The following SEMA4A variants were observed in gnomAD, a reference collection of about 807,000 sequenced individuals.
The protein encoded by SEMA4A is semaphorin-4A.
In SEMA4A, 52 loss-of-function variants were observed where a neutral mutation model predicts 72.5. That is an observed-to-expected ratio of 0.72 (90% CI 0.57 to 0.90). The LOEUF is 0.90. SEMA4A is among the 40% of genes least tolerant of loss of function. The probability of loss-of-function intolerance (pLI) is 0.00; values close to 1 mark genes in which losing one functional copy is unlikely to be tolerated. For missense variants in SEMA4A, 926 were observed against 959.7 expected (o/e 0.96, Z 0.46); for synonymous variants, 369 against 393.1 (o/e 0.94, Z 0.73).
chr1:156,150,692 G>A (rs901067882), upstream of SEMA4A, among the ~76,000 whole-genome samples: 1 of 152,110 alleles, frequency 6.6e-6, no homozygotes, highest in African/African-American at 2.4e-5. Context: ...GAAGCTCAGA[G>A]GTAGCATAGA....
chr1:156,168,307 C>T (rs549769093), intron 10 of SEMA4A, among the ~76,000 whole-genome samples: 8 of 152,116 alleles, frequency 5.3e-5, no homozygotes, highest in African/African-American at 1.9e-4. Flanking sequence ...CTGCAACCTC[C>T]ACCTCCCTGG....
At chr1:156,168,137 T>A (rs1302403600) in intron 10 of SEMA4A, among the ~76,000 whole-genome samples, 2 of 152,194 alleles carry the variant, frequency 1.3e-5, no homozygotes, top group African/African-American at 4.8e-5. Context: ...TTGGCCAGGC[T>A]GATCTTGAAC....
chr1:156,156,273 C>G, intron 2 of SEMA4A, 141 bp from the exon 3 acceptor site: 1 of 755,952 alleles, frequency 1.3e-6, no homozygotes, highest in East Asian at 2.7e-5. Context: ...GGAAGAACTG[C>G]TGGTGGAGGA....
chr1:156,154,409 A>G (rs1265088303), intron 1 of SEMA4A, 141 bp from the exon 2 acceptor site: 2 of 723,912 alleles, frequency 2.8e-6, no homozygotes, highest in Non-Finnish European at 4.6e-6. Context: ...GCCCTTCCAG[A>G]TAGGGAACCT....
chr1:156,157,923 A>C lies in SEMA4A; in HGVS notation c.301-147A>C, dbSNP rs1653196211. Reference sequence around the variant, plus strand: ...TATTCAAGTAATAGCCATGGTCACAAACTGATGTTATTACTGCCCATCAGC... The same window carrying C: ...TATTCAAGTAATAGCCATGGTCACACACTGATGTTATTACTGCCCATCAGC... On this transcript the variant is annotated intron_variant, in intron 3 of 14. Transcript: ENST00000368285. The surrounding 1 kb of genome is among the most constrained non-coding windows in gnomAD (Gnocchi z 4.5). The C allele has an allele frequency of 1.3e-6, 1 of 765,840 alleles. No homozygotes were observed. Among genetic ancestry groups the C allele is most frequent in the Non-Finnish European group, 2.3e-6 (1 of 432,708 alleles). 47.4% of individuals were successfully genotyped at this position (765,840 alleles called of 1,614,324 possible).
upstream of SEMA4A, among the ~76,000 whole-genome samples, chr1:156,151,638 G>C (rs951169606): frequency 5.9e-5 from 9 of 151,978 alleles, no homozygotes; most frequent in Admixed American, 1.3e-4. Context: ...TTTGAGAGCA[G>C]CCTAGCCAGC....
At chr1:156,169,765 C>G (rs990434772) in intron 10 of SEMA4A, among the ~76,000 whole-genome samples, 3 of 149,996 alleles carry the variant, frequency 2.0e-5, no homozygotes, top group Admixed American at 2.0e-4. Flanking sequence ...TGGTGGCTCA[C>G]ACTGTAATCC....
rs993405201 is a variant in SEMA4A, at chr1:156,153,686, T to G, written c.-108T>G. Reference sequence around the variant, plus strand: ...CTCTGGGGCCTGGGAACCCCCCTTCTTCTTTCTCCTGAATGGCACCCCCGC... The same window carrying G: ...CTCTGGGGCCTGGGAACCCCCCTTCGTCTTTCTCCTGAATGGCACCCCCGC... On this transcript the variant is annotated 5_prime_UTR_variant, in exon 1 of 15. Transcript: ENST00000368285. 1 of 152,488 alleles carries G rather than the reference T, an allele frequency of 6.6e-6. No homozygotes were observed. The highest frequency in any genetic ancestry group is 2.4e-5 in the African/African-American group (1 of 41,464). 9.4% of individuals were successfully genotyped at this position (152,488 alleles called of 1,614,324 possible).
intron 14 of SEMA4A, among the ~76,000 whole-genome samples, chr1:156,175,945 G>A (rs543069944): frequency 1.3e-5 from 2 of 152,214 alleles, no homozygotes; most frequent in South Asian, 4.2e-4. Flanking sequence ...AAGGAGGAGT[G>A]AAATTTGAGT....
In SEMA4A at chr1:156,158,319, G is replaced by C. The variant is rs558809650; in HGVS notation, c.364-69G>C. 51 of 1,355,860 alleles carry C rather than the reference G, an allele frequency of 3.8e-5. No homozygotes were observed. The East Asian group carries it at 9.8e-4, about 26-fold the overall frequency. 84.0% of individuals were successfully genotyped at this position (1,355,860 alleles called of 1,614,324 possible). On this transcript the variant is annotated intron_variant, in intron 4 of 14. Coordinates refer to ENST00000368285, the MANE Select transcript of SEMA4A (RefSeq NM_022367.4). ...TACCTAGCCTTTCTCCTCAGTGAGG[G>C]GGCAGCCTCTGGGGGTCCAGCAATT...
intron 10 of SEMA4A, 149 bp downstream of exon 10, chr1:156,163,243 C>A: frequency 1.2e-6 from 1 of 856,430 alleles, no homozygotes; most frequent in African/African-American, 1.7e-5. Context: ...GGTATAGCTG[C>A]CTATATTCCA....
rs1397289963 is a variant in SEMA4A, at chr1:156,177,108, C to A, written c.*111C>A. ...CAGCACAAAAGACCACCTTTCTCCCCTGAGAGGAGCTTCTGCTACTCTGCA... is the reference window on the plus strand; with the variant it reads ...CAGCACAAAAGACCACCTTTCTCCCATGAGAGGAGCTTCTGCTACTCTGCA... On this transcript the variant is annotated 3_prime_UTR_variant, in exon 15 of 15. Coordinates refer to ENST00000368285, the MANE Select transcript of SEMA4A (RefSeq NM_022367.4). 8 of 910,850 alleles carry A rather than the reference C, an allele frequency of 8.8e-6. No individual in the cohort carries two copies. The highest frequency in any genetic ancestry group is 8.3e-5 in the South Asian group (6 of 72,374). The allele number at this position is 910,850 out of a possible 1,614,324, so 56.4% of individuals were successfully genotyped here. A position where few individuals can be genotyped will look rare whatever the true frequency, so the allele number is the denominator to read the frequency against.
At chr1:156,163,244 C>T (rs916820584) in intron 10 of SEMA4A, 150 bp downstream of exon 10, 156 of 844,796 alleles carry the variant, frequency 1.8e-4, no homozygotes, top group Non-Finnish European at 2.8e-4. Flanking sequence ...GTATAGCTGC[C>T]TATATTCCAC....
In SEMA4A at chr1:156,161,342, C is replaced by T. The variant is rs772674156; in HGVS notation, c.811-4C>T. On this transcript the variant is annotated splice_polypyrimidine_tract_variant and splice_region_variant and intron_variant, in intron 8 of 14. Transcript: ENST00000368285. ...GCGCCCCCTGACTCCCCCTGTGCCC[C>T]CAGAATGACGTGGGCGGCGAAAAGC... 4.7e-5 allele frequency: 75 copies of T among 1,609,606 alleles called. No homozygotes were observed. The highest frequency in any genetic ancestry group is 1.3e-5 in the Non-Finnish European group (15 of 1,178,656).
At chr1:156,156,328 C>T in intron 2 of SEMA4A, 86 bp from the exon 3 acceptor site, 1 of 1,350,220 alleles carries the variant, frequency 7.4e-7, no homozygotes, top group Non-Finnish European at 1.1e-6. Context: ...CTCAGGCAAC[C>T]CTTCCCCTTC....
Position 156,174,900 on chromosome 1 carries a change from A to G in SEMA4A, c.1394A>G (p.Asp465Gly). Residue 465 changes from aspartate to glycine, a missense_variant, in exon 12 of 15, where the codon GAC becomes GGC. Transcript: ENST00000368285. ...GTGGAAGAGATTCAGCTGTTCCCTG[A>G]CCCTGAACCTGTTCGCAACCTGCAG... ...HLVEEIQLFP[D>G]PEPVRNLQLA... 1.9e-6 allele frequency: 3 copies of G among 1,614,080 alleles called. No homozygotes were observed. The highest frequency in any genetic ancestry group is 2.5e-6 in the Non-Finnish European group (3 of 1,180,012).
chr1:156,162,615 GTTACA>G (rs1414140818), intron 9 of SEMA4A, among the ~76,000 whole-genome samples: 1 of 152,250 alleles, frequency 6.6e-6, no homozygotes, highest in African/African-American at 2.4e-5. Flanking sequence ...GCTAGAGCTG[GTTACA>G]CTGTCCCTCC....
chr1:156,164,584 G>A lies in SEMA4A; in HGVS notation c.1134+1490G>A, dbSNP rs527818327. Among the ~76,000 whole-genome samples, 10 of 152,212 alleles carry A rather than the reference G, an allele frequency of 6.6e-5. 1 individual carries two copies. The East Asian group carries it at 1.9e-3, about 29-fold the overall frequency. ...ACCCTCTCCCGCAAAAGCTGACTTG[G>A]ACCAACATACAGTAACTGCACCCAC... On this transcript the variant is annotated intron_variant, in intron 10 of 14. Coordinates refer to ENST00000368285, the MANE Select transcript of SEMA4A (RefSeq NM_022367.4).
At position 156,160,560 on chromosome 1, in the gene SEMA4A, G is replaced by A; in HGVS notation, c.685+1G>A. Reference sequence around the variant, plus strand: ...GACAACTTCCTCCGCTGGCTGCATCGTAAGGACCTGACCCCCGCTGGCCTC... The same window carrying A: ...GACAACTTCCTCCGCTGGCTGCATCATAAGGACCTGACCCCCGCTGGCCTC... On this transcript the variant is annotated splice_donor_variant, in intron 7 of 14. Transcript: ENST00000368285. LOFTEE classifies it high-confidence loss of function. 3 of 1,613,076 alleles carry A rather than the reference G, an allele frequency of 1.9e-6. No homozygotes were observed. The highest frequency in any genetic ancestry group is 2.5e-6 in the Non-Finnish European group (3 of 1,179,092).
Sources: gnomAD v4.1 joint callset for allele counts (sites outside exome capture counted in the v4.1 genomes callset) on GRCh38, gnomAD v4.1.1 for gene constraint, Gnocchi (gnomAD v3.1) non-coding constraint, MANE v1.5 for transcripts, NCBI Gene and HGNC (gene_info 2026-07-23, HGNC 2026-07-21) for gene names.